PIK3C3: variants seen among roughly 807,000 people sequenced by gnomAD.
PIK3C3 encodes PI3-kinase type 3.
In PIK3C3, 95 loss-of-function variants were observed where a neutral mutation model predicts 126.1. The ratio of observed to expected loss-of-function variants is 0.75; its 90% CI spans 0.64 to 0.89. The LOEUF is 0.89. PIK3C3 is among the 40% of genes least tolerant of loss of function. The pLI, the probability that PIK3C3 is intolerant of heterozygous loss-of-function variation, is 0.00. For missense variants in PIK3C3, 829 were observed against 1,063.2 expected (o/e 0.78, Z 3.06); for synonymous variants, 374 against 360.0 (o/e 1.04, Z -0.44).
At chr18:42,040,156 CTTT>C (rs55821466) in intron 18 of PIK3C3, among the ~76,000 whole-genome samples, 27,269 of 110,354 alleles carry the variant, frequency 0.25, 2,815 homozygotes, top group South Asian at 0.4. Flanking sequence ...GTCCCCTTTC[CTTT>C]TTTTTTTTTT....
chr18:42,070,748 A>C (rs1985740073), intron 24 of PIK3C3, among the ~76,000 whole-genome samples: 1 of 152,164 alleles, frequency 6.6e-6, no homozygotes. Flanking sequence ...GGTAAATGAA[A>C]TCTGCCTCTC....
At chr18:42,046,773 C>T (rs1423010710) in intron 20 of PIK3C3, among the ~76,000 whole-genome samples, 3 of 152,020 alleles carry the variant, frequency 2.0e-5, no homozygotes, top group Admixed American at 6.6e-5. Context: ...CAGGATGTAG[C>T]CTTGTTTAAA....
chr18:41,981,788 C>T (rs1486389728), intron 4 of PIK3C3, among the ~76,000 whole-genome samples: 1 of 147,802 alleles, frequency 6.8e-6, no homozygotes, highest in Non-Finnish European at 1.5e-5. Context: ...GGTGAAACCC[C>T]TTCTGTACTA....
intron 24 of PIK3C3, among the ~76,000 whole-genome samples, chr18:42,068,953 A>AC (rs1034289865): frequency 1.3e-5 from 2 of 151,226 alleles, no homozygotes; most frequent in African/African-American, 4.8e-5. Context: ...CCGTCTCAAA[A>AC]AAAAAAAAAA....
chr18:41,997,346 G>A (rs938197973), intron 9 of PIK3C3, among the ~76,000 whole-genome samples: 1 of 152,034 alleles, frequency 6.6e-6, no homozygotes, highest in African/African-American at 2.4e-5. Context: ...CTAGACATTT[G>A]CTTCCTGTAA....
intron 24 of PIK3C3, among the ~76,000 whole-genome samples, chr18:42,073,810 T>A (rs1409783066): frequency 6.6e-6 from 1 of 152,118 alleles, no homozygotes; most frequent in East Asian, 1.9e-4. Context: ...TCACTTTATT[T>A]GCTGTCCTCT....
Position 42,027,497 on chromosome 18 carries a change from C to A in PIK3C3, c.1539C>A (p.Thr513=). The A allele has an allele frequency of 6.2e-7, 1 of 1,611,782 alleles. No homozygotes were observed. The highest frequency in any genetic ancestry group is 8.5e-7 in the Non-Finnish European group (1 of 1,178,394). The part of the protein sequence containing the change: ...DQDTQQRDPK[T]HEMYLNVMRR... ...ATACTCAGCAGAGAGATCCAAAGAC[C>A]CATGAGATGTACTTGAACGTAATGA... The change falls in exon 14 of 25, where the codon ACC becomes ACA. Residue 513 remains threonine (T), a synonymous_variant. Transcript: ENST00000262039.
At chr18:41,972,934 A>G (rs1193457745) in intron 4 of PIK3C3, among the ~76,000 whole-genome samples, 3 of 152,106 alleles carry the variant, frequency 2.0e-5, no homozygotes, top group Non-Finnish European at 4.4e-5. Flanking sequence ...AAGGTTGGGC[A>G]CTTGGAAATG....
rs1986349561 is a variant in PIK3C3 at position 42,084,457 on chromosome 18, T to G, written c.*3320T>G. 6.6e-6 allele frequency: 1 copy of G among 151,940 alleles called. No individual in the cohort carries two copies. Among genetic ancestry groups the G allele is most frequent in the African/African-American group, 2.4e-5 (1 of 41,390 alleles). 9.4% of individuals were successfully genotyped at this position (151,940 alleles called of 1,614,324 possible). On this transcript the variant is annotated 3_prime_UTR_variant, in exon 25 of 25. Coordinates refer to ENST00000262039, the MANE Select transcript of PIK3C3 (RefSeq NM_002647.4). The stretch of plus-strand genomic sequence containing the variant: ...ACTGATTTGCCAAAATGAGTAATTT[T>G]GATATATTAATATTTCACTTATAAG...
intron 13 of PIK3C3, among the ~76,000 whole-genome samples, chr18:42,021,609 C>A (rs12962602): frequency 6.6e-6 from 1 of 151,994 alleles, no homozygotes; most frequent in Non-Finnish European, 1.5e-5. Flanking sequence ...TGGCATGAGG[C>A]TTTTTACTGT....
Position 41,991,259 on chromosome 18 carries a change from C to T in PIK3C3, c.714+705C>T, listed in dbSNP as rs567749485. 7.2e-5 allele frequency among the ~76,000 whole-genome samples: 11 copies of T among 152,178 alleles called. No homozygotes were observed. The South Asian group carries it at 2.3e-3, about 32-fold the overall frequency. On this transcript the variant is annotated intron_variant, in intron 6 of 24. Coordinates refer to ENST00000262039, the MANE Select transcript of PIK3C3 (RefSeq NM_002647.4). ...TGTATGCAGGCCAGGTGTGGTGGCT[C>T]ATGCCTGTAATTCCAGCACTGTGGT...
intron 9 of PIK3C3, among the ~76,000 whole-genome samples, chr18:41,998,936 C>T (rs1982152805): frequency 6.6e-6 from 1 of 152,146 alleles, no homozygotes; most frequent in African/African-American, 2.4e-5. Flanking sequence ...ATTTAGGTTA[C>T]TTGACATTTG....
At chr18:41,972,808 C>T (rs997052132) in intron 4 of PIK3C3, among the ~76,000 whole-genome samples, 4 of 152,086 alleles carry the variant, frequency 2.6e-5, no homozygotes, top group Non-Finnish European at 4.4e-5. Flanking sequence ...CGATATTCCC[C>T]TCTTCTTGAT....
chr18:42,035,819 C>T (rs192665088), intron 16 of PIK3C3, among the ~76,000 whole-genome samples: 174 of 152,184 alleles, frequency 1.1e-3, no homozygotes, highest in African/African-American at 4.1e-3. Context: ...CTCCTTAGAG[C>T]TGAAAAGGCT....
At chr18:42,001,267 A>G (rs1018623767) in intron 9 of PIK3C3, among the ~76,000 whole-genome samples, 153 of 152,348 alleles carry the variant, frequency 1.0e-3, no homozygotes, top group African/African-American at 3.5e-3. Context: ...AACATTTTAC[A>G]TTCATTAACT....
At position 41,990,567 on chromosome 18, in the gene PIK3C3, G is replaced by C. The variant is rs1981726167; in HGVS notation, c.714+13G>C. The C allele has an allele frequency of 7.0e-7, 1 of 1,428,952 alleles. No individual in the cohort carries two copies. The highest frequency in any genetic ancestry group is 1.4e-5 in the African/African-American group (1 of 70,844). 88.5% of individuals were successfully genotyped at this position (1,428,952 alleles called of 1,614,324 possible). On this transcript the variant is annotated intron_variant, in intron 6 of 24. Coordinates refer to ENST00000262039, the MANE Select transcript of PIK3C3 (RefSeq NM_002647.4). ...TTATTATGAAAAGGTATTTCCCTTG[G>C]AACTGTTTTTGGTCTCTAAAGTAGA...
intron 9 of PIK3C3, among the ~76,000 whole-genome samples, chr18:42,000,730 C>G (rs974604235): frequency 6.6e-6 from 1 of 152,096 alleles, no homozygotes; most frequent in Non-Finnish European, 1.5e-5. Flanking sequence ...TCATGTCTTA[C>G]GTGGATGGCA....
At chr18:42,014,038 G>A (rs1376972040) in intron 11 of PIK3C3, among the ~76,000 whole-genome samples, 1 of 151,406 alleles carries the variant, frequency 6.6e-6, no homozygotes, top group Non-Finnish European at 1.5e-5. Flanking sequence ...CAGGTGTGGT[G>A]GCTCATGCTT....
chr18:42,014,207 CAAAAAAAAAAAAA>C (rs58086258), intron 11 of PIK3C3, among the ~76,000 whole-genome samples: 2 of 40,996 alleles, frequency 4.9e-5, no homozygotes, highest in Non-Finnish European at 9.8e-5. Context: ...GACTCCGTCT[CAAAAAAAAAAAAA>C]AAAAAAAAAA....
Sources: allele counts gnomAD v4.1 joint callset (sites outside exome capture counted in the v4.1 genomes callset), GRCh38; gene constraint gnomAD v4.1.1; transcripts MANE v1.5; gene names NCBI Gene and HGNC (gene_info 2026-07-23, HGNC 2026-07-21).